TRPM3: variants seen among roughly 807,000 people sequenced by gnomAD.
TRPM3 encodes transient receptor potential cation channel subfamily M member 3, also known as long transient receptor potential channel 3.
In TRPM3, 77 loss-of-function variants were observed where a neutral mutation model predicts 181.2. The ratio of observed to expected loss-of-function variants is 0.42; its 90% CI spans 0.35 to 0.51. The LOEUF (loss-of-function observed/expected upper bound fraction) is 0.51, where lower values mean the gene tolerates loss of function less well. TRPM3 is among the 20% of genes least tolerant of loss of function. The pLI, the probability that TRPM3 is intolerant of heterozygous loss-of-function variation, is 0.01. For synonymous variants in TRPM3, 745 were observed against 796.4 expected (o/e 0.94, Z 1.09); for missense variants, 1,759 against 2,196.7 (o/e 0.80, Z 3.98).
At chr9:70,751,686 A>T (rs1207493292) in intron 8 of TRPM3, among the ~76,000 whole-genome samples, 1 of 152,192 alleles carries the variant, frequency 6.6e-6, no homozygotes, top group Non-Finnish European at 1.5e-5. Context: ...GTAGAACCCA[A>T]TGCAGAGGGA....
chr9:71,405,635 T>C (rs1438221568), intron 1 of TRPM3, among the ~76,000 whole-genome samples: 1 of 152,226 alleles, frequency 6.6e-6, no homozygotes, highest in Admixed American at 6.5e-5. Context: ...GTTTGCTTTT[T>C]ACATATTGAG....
At chr9:70,872,028 G>C (rs1397004147) in intron 1 of TRPM3, among the ~76,000 whole-genome samples, 13 of 151,988 alleles carry the variant, frequency 8.6e-5, no homozygotes, top group Non-Finnish European at 1.9e-4. Flanking sequence ...GTCCAAAGCA[G>C]TATTTTTCTG....
At chr9:70,540,815 C>T (rs1016421315) in intron 25 of TRPM3, among the ~76,000 whole-genome samples, 15 of 152,270 alleles carry the variant, frequency 9.9e-5, no homozygotes, top group Non-Finnish European at 1.6e-4. Context: ...CTTGACCTCC[C>T]GGGGCTCAGG....
At position 70,605,944 on chromosome 9, in the gene TRPM3, G is replaced by GTAAC. The variant is rs1390595628; in HGVS notation, c.2668-2478_2668-2475dup. On this transcript the variant is annotated intron_variant, in intron 19 of 25. Transcript: ENST00000677713. The stretch of plus-strand genomic sequence containing the variant: ...AGAACCTCTGCATTTTAATACTTAA[G>GTAAC]TAACTCCTTAAACCTATTTTAATGC... Among the ~76,000 whole-genome samples, 18 of 152,148 alleles carry GTAAC rather than the reference G, an allele frequency of 1.2e-4. 1 individual carries two copies. In the South Asian group the frequency reaches 2.5e-3, roughly 21 times the overall value.
At chr9:71,093,218 A>G (rs962085881) in intron 1 of TRPM3, among the ~76,000 whole-genome samples, 3 of 152,186 alleles carry the variant, frequency 2.0e-5, no homozygotes, top group African/African-American at 7.2e-5. Context: ...TTGCAACAGA[A>G]GCCAAAATTA....
At chr9:71,261,325 A>C (rs2132073961) in intron 1 of TRPM3, among the ~76,000 whole-genome samples, 1 of 152,218 alleles carries the variant, frequency 6.6e-6, no homozygotes, top group East Asian at 1.9e-4. Flanking sequence ...TGCTTCACGA[A>C]GTTCTCATGC....
intron 1 of TRPM3, among the ~76,000 whole-genome samples, chr9:71,158,063 G>A (rs1483096952): frequency 1.3e-5 from 2 of 152,094 alleles, no homozygotes; most frequent in Non-Finnish European, 2.9e-5. Flanking sequence ...TGTACAGTAA[G>A]ACATATTACA....
At chr9:71,161,243 G>C (rs943857177) in intron 1 of TRPM3, among the ~76,000 whole-genome samples, 1 of 152,072 alleles carries the variant, frequency 6.6e-6, no homozygotes, top group African/African-American at 2.4e-5. Flanking sequence ...GGTTACCTCT[G>C]GTTTGGCCTC....
chr9:70,860,577 T>C (rs2095496200), intron 3 of TRPM3, among the ~76,000 whole-genome samples: 1 of 152,130 alleles, frequency 6.6e-6, no homozygotes, highest in Non-Finnish European at 1.5e-5. Flanking sequence ...AGGCTGTAAA[T>C]AAAATGCAGT....
intron 1 of TRPM3, among the ~76,000 whole-genome samples, chr9:71,275,887 G>C (rs184550173): frequency 4.8e-4 from 73 of 151,654 alleles, no homozygotes; most frequent in Non-Finnish European, 8.0e-4. Context: ...TTTCACCCAG[G>C]CTGGAGTGCT....
At chr9:70,664,930 G>T (rs59110702) in intron 9 of TRPM3, among the ~76,000 whole-genome samples, 3 of 151,972 alleles carry the variant, frequency 2.0e-5, no homozygotes, top group Admixed American at 6.6e-5. Flanking sequence ...GATTACAGGC[G>T]TGAGCCACCA....
chr9:71,300,102 C>T (rs1225919539), intron 1 of TRPM3, among the ~76,000 whole-genome samples: 1 of 152,104 alleles, frequency 6.6e-6, no homozygotes, highest in Non-Finnish European at 1.5e-5. Flanking sequence ...ATGTCACTGA[C>T]ACTGTTCCTT....
intron 1 of TRPM3, among the ~76,000 whole-genome samples, chr9:70,977,245 C>T (rs1180499887): frequency 1.3e-5 from 2 of 152,222 alleles, no homozygotes; most frequent in African/African-American, 4.8e-5. Flanking sequence ...AGTGATTCTC[C>T]TGCCTCAGCC....
At chr9:71,257,964 T>C (rs1260313636) in intron 1 of TRPM3, among the ~76,000 whole-genome samples, 3 of 152,190 alleles carry the variant, frequency 2.0e-5, no homozygotes, top group Admixed American at 6.5e-5. Context: ...TTAAATTGCA[T>C]TGTGAGATGA....
intron 1 of TRPM3, among the ~76,000 whole-genome samples, chr9:71,016,173 C>T (rs948998158): frequency 6.6e-6 from 1 of 150,560 alleles, no homozygotes; most frequent in Non-Finnish European, 1.5e-5. Context: ...AAGATATTAC[C>T]AAATGTGAAT....
intron 1 of TRPM3, among the ~76,000 whole-genome samples, chr9:71,083,364 C>T (rs1471929261): frequency 6.6e-6 from 1 of 151,992 alleles, no homozygotes; most frequent in Non-Finnish European, 1.5e-5. Context: ...AGGCAAGCAA[C>T]TTGCCCAAGG....
chr9:71,226,326 C>T (rs2080648407), intron 1 of TRPM3, among the ~76,000 whole-genome samples: 1 of 152,028 alleles, frequency 6.6e-6, no homozygotes, highest in Admixed American at 6.6e-5. Flanking sequence ...GAGTAAGTCT[C>T]TATTCATCAA....
At position 70,551,537 on chromosome 9, in the gene TRPM3, T is replaced by C. The variant is rs984242693; in HGVS notation, c.3574+1307A>G. ...TGGCCTTCTTTGAGGGGGTGGGCACTGGAAAGGAAATGGATCTCTGGACCA... is the reference window on the plus strand; with the variant it reads ...TGGCCTTCTTTGAGGGGGTGGGCACCGGAAAGGAAATGGATCTCTGGACCA... On this transcript the variant is annotated intron_variant, in intron 24 of 25. Transcript: ENST00000677713. Among the ~76,000 whole-genome samples the C allele has an allele frequency of 3.3e-5, 5 of 152,358 alleles. No individual in the cohort carries two copies. In the East Asian group the frequency reaches 9.6e-4, roughly 29 times the overall value.
chr9:71,157,536 G>A (rs981688062), intron 1 of TRPM3, among the ~76,000 whole-genome samples: 7 of 152,058 alleles, frequency 4.6e-5, no homozygotes, highest in Non-Finnish European at 7.4e-5. Context: ...GGCACTCTAA[G>A]GGATTCTACT....
Sources: allele counts gnomAD v4.1 joint callset (sites outside exome capture counted in the v4.1 genomes callset), GRCh38; gene constraint gnomAD v4.1.1; transcripts MANE v1.5; gene names NCBI Gene and HGNC (gene_info 2026-07-23, HGNC 2026-07-21).